The following TAFA5 variants were observed in gnomAD, a reference collection of about 807,000 sequenced individuals.
The protein encoded by TAFA5 is chemokine-like protein TAFA-5.
TAFA5 carries 6 observed loss-of-function variants against 15.3 expected under a neutral mutation model. That is an observed-to-expected ratio of 0.39 (90% CI 0.21 to 0.77). TAFA5 has a LOEUF of 0.77. TAFA5 is among the 30% of genes least tolerant of loss of function. The pLI, the probability that TAFA5 is intolerant of heterozygous loss-of-function variation, is 0.41. For synonymous variants in TAFA5, 103 were observed against 80.7 expected (o/e 1.28, Z -1.48); for missense variants, 161 against 193.1 (o/e 0.83, Z 0.98).
At chr22:48,665,217 A>G (rs949605165) in intron 2 of TAFA5, among the ~76,000 whole-genome samples, 8 of 152,060 alleles carry the variant, frequency 5.3e-5, no homozygotes, top group African/African-American at 9.7e-5. Flanking sequence ...GCTGCTTTTT[A>G]TGAAGTGTTC....
chr22:48,569,718 A>C (rs980164008), intron 1 of TAFA5, among the ~76,000 whole-genome samples: 5 of 152,080 alleles, frequency 3.3e-5, no homozygotes, highest in African/African-American at 7.2e-5. Flanking sequence ...TGCTGACCTG[A>C]CCCACGTGCA....
In TAFA5 at chr22:48,646,655, T is replaced by A; in HGVS notation, c.171T>A (p.Pro57=). ...CCTTGGACCGGGACAGCAGCCAGCC[T>A]CGGAGGACGATCGCCCGGCAGACCG... The part of the protein sequence containing the change: ...IVTLDRDSSQ[P]RRTIARQTAR... The change falls in exon 2 of 4, where the codon CCT becomes CCA. Residue 57 remains proline, a synonymous_variant. Coordinates refer to ENST00000402357, the MANE Select transcript of TAFA5 (RefSeq NM_001082967.3). 1 of 1,612,314 alleles carries A rather than the reference T, an allele frequency of 6.2e-7. No homozygotes were observed. The highest frequency in any genetic ancestry group is 8.5e-7 in the Non-Finnish European group (1 of 1,179,744).
At chr22:48,587,645 G>A (rs527877765) in intron 1 of TAFA5, among the ~76,000 whole-genome samples, 1 of 152,322 alleles carries the variant, frequency 6.6e-6, no homozygotes, top group East Asian at 1.9e-4. Context: ...TCTGGCTGAT[G>A]GGGCCGCCCT....
At chr22:48,546,852 G>C (rs949750710) in intron 1 of TAFA5, 1 of 291,872 alleles carries the variant, frequency 3.4e-6, no homozygotes, top group African/African-American at 2.2e-5. Flanking sequence ...GTGCGGGGAG[G>C]ACGATTGCGG....
At chr22:48,501,528 G>A (rs1474085255) in intron 1 of TAFA5, among the ~76,000 whole-genome samples, 1 of 152,098 alleles carries the variant, frequency 6.6e-6, no homozygotes, top group Non-Finnish European at 1.5e-5. Context: ...GGGCAGTCGG[G>A]GGTGCCTGGG....
At chr22:48,515,811 C>T (rs536154317) in intron 1 of TAFA5, among the ~76,000 whole-genome samples, 4 of 152,238 alleles carry the variant, frequency 2.6e-5, no homozygotes, top group Admixed American at 2.0e-4. Context: ...CACCTCAGAA[C>T]AGGAACTGGC....
At position 48,490,387 on chromosome 22, in the gene TAFA5, G is replaced by GCGCC. The variant is rs1928106945; in HGVS notation, c.112+686_112+689dup. ...GGGCTGGGGTGGTGCGGGCCAGTGG[G>GCGCC]CGCCCGGGCGTGAGCTGAGGGCTGG... On this transcript the variant is annotated intron_variant, in intron 1 of 3. Coordinates refer to ENST00000402357, the MANE Select transcript of TAFA5 (RefSeq NM_001082967.3). The surrounding 1 kb of genome is among the most constrained non-coding windows in gnomAD (Gnocchi z 5.8). Among the ~76,000 whole-genome samples the GCGCC allele has an allele frequency of 6.6e-6, 1 of 152,022 alleles. No individual in the cohort carries two copies. The highest frequency in any genetic ancestry group is 6.5e-5 in the Admixed American group (1 of 15,292).
intron 3 of TAFA5, among the ~76,000 whole-genome samples, chr22:48,748,923 GGGTCCCATGATGAGTTTCCTGGCCAA>G (rs1275998462): frequency 6.6e-6 from 1 of 152,186 alleles, no homozygotes; most frequent in African/African-American, 2.4e-5. Flanking sequence ...AGCAGGGCCA[GGGTCCCATGATGAGTTTCCTGGCCAA>G]GGTCGGTTCA....
chr22:48,656,677 A>G (rs1279524343), intron 2 of TAFA5, among the ~76,000 whole-genome samples: 1 of 151,490 alleles, frequency 6.6e-6, no homozygotes, highest in Non-Finnish European at 1.5e-5. Flanking sequence ...ATAGAAAAAT[A>G]ATGAAAATTA....
At chr22:48,658,661 G>T (rs1207557322) in intron 2 of TAFA5, among the ~76,000 whole-genome samples, 2 of 152,232 alleles carry the variant, frequency 1.3e-5, no homozygotes, top group African/African-American at 4.8e-5. Flanking sequence ...CCCACAAAGG[G>T]TGGAGCTGGC....
chr22:48,586,270 C>T (rs757754545), intron 1 of TAFA5, among the ~76,000 whole-genome samples: 7 of 152,256 alleles, frequency 4.6e-5, no homozygotes, highest in Non-Finnish European at 8.8e-5. Flanking sequence ...GTGGGTGTTG[C>T]CTGGGCATTG....
At chr22:48,641,708 C>T (rs945836023) in intron 1 of TAFA5, among the ~76,000 whole-genome samples, 5 of 151,954 alleles carry the variant, frequency 3.3e-5, no homozygotes, top group African/African-American at 1.2e-4. Context: ...TAACTGGGAG[C>T]CCTCGGAGGC....
chr22:48,588,130 A>G (rs535938315), intron 1 of TAFA5, among the ~76,000 whole-genome samples: 1 of 152,294 alleles, frequency 6.6e-6, no homozygotes, highest in Admixed American at 6.5e-5. Context: ...AGGGGTCAGC[A>G]TTGGCCTTGA....
chr22:48,607,517 C>G (rs28468527), intron 1 of TAFA5, among the ~76,000 whole-genome samples: 51,115 of 115,002 alleles, frequency 0.44, 12,649 homozygotes, highest in South Asian at 0.51. Flanking sequence ...TCCCAGGTAC[C>G]TCAGCCTGGA....
intron 1 of TAFA5, among the ~76,000 whole-genome samples, chr22:48,584,040 AAATACACCAC>A (rs1924221626): frequency 6.8e-6 from 1 of 146,422 alleles, no homozygotes; most frequent in South Asian, 2.2e-4. Flanking sequence ...ACCACACACA[AAATACACCAC>A]ATACACCACA....
intron 1 of TAFA5, among the ~76,000 whole-genome samples, chr22:48,621,616 T>A (rs1017352487): frequency 6.6e-6 from 1 of 152,100 alleles, no homozygotes; most frequent in Non-Finnish European, 1.5e-5. Context: ...GAAGAGCAGC[T>A]CCACTGAGTC....
At chr22:48,632,542 G>A (rs1926269858) in intron 1 of TAFA5, among the ~76,000 whole-genome samples, 1 of 151,226 alleles carries the variant, frequency 6.6e-6, no homozygotes, top group African/African-American at 2.5e-5. Flanking sequence ...TGCCACCCTT[G>A]CGGGGATACT....
At chr22:48,632,850 G>A (rs1364149958) in intron 1 of TAFA5, among the ~76,000 whole-genome samples, 2 of 152,268 alleles carry the variant, frequency 1.3e-5, no homozygotes, top group African/African-American at 2.4e-5. Flanking sequence ...GGCTGGGCTG[G>A]AGTGAGGTCA....
At chr22:48,693,228 C>G in intron 2 of TAFA5, 2 of 1,475,206 alleles carry the variant, frequency 1.4e-6, no homozygotes, top group Non-Finnish European at 1.8e-6. Context: ...TCAGAGCAGC[C>G]TGGCAGGATG....
Sources: gnomAD v4.1 joint callset for allele counts (sites outside exome capture counted in the v4.1 genomes callset) on GRCh38, gnomAD v4.1.1 for gene constraint, Gnocchi (gnomAD v3.1) non-coding constraint, MANE v1.5 for transcripts, NCBI Gene and HGNC (gene_info 2026-07-23, HGNC 2026-07-21) for gene names.